Variants in ATP10B observed in about 807,000 individuals in gnomAD.
ATP10B encodes the protein ATPase phospholipid transporting 10B (putative).
Under a neutral mutation model 141.2 loss-of-function variants are expected in ATP10B, and 122 were observed. The observed-to-expected ratio is 0.86, with a 90% confidence interval of 0.75 to 1.00. The LOEUF is 1.00. Ranked by LOEUF, ATP10B falls within the 50% of genes least tolerant of loss-of-function variation. The pLI is 0.00. For synonymous variants in ATP10B, 685 were observed against 692.0 expected, an observed-to-expected ratio of 0.99 and a Z score of 0.16; for missense variants, 1,876 against 1,825.3, an observed-to-expected ratio of 1.03 and a Z score of -0.51.
In ATP10B at chr5:160,602,561, G is replaced by T. The variant is rs766924723; in HGVS notation, c.3363+16C>A. On this transcript the variant is annotated intron_variant, in intron 21 of 25. Transcript: ENST00000327245. ...CTGCCAAAGCCCTGGGTGAGAGGACGCCATAGGCTACTTACCACGTTCTTG... is the reference window on the plus strand; with the variant it reads ...CTGCCAAAGCCCTGGGTGAGAGGACTCCATAGGCTACTTACCACGTTCTTG... 1 of 1,613,214 alleles carries T rather than the reference G, an allele frequency of 6.2e-7. No homozygotes were observed. The highest frequency in any genetic ancestry group is 8.5e-7 in the Non-Finnish European group (1 of 1,179,460).
the ATP10B span, among the ~76,000 whole-genome samples, chr5:160,903,651 G>A: frequency 6.6e-6 from 1 of 152,134 alleles, no homozygotes; most frequent in East Asian, 1.9e-4. Flanking sequence ...TTTAGATTAT[G>A]GTAGAGCCAC....
intron 2 of ATP10B, among the ~76,000 whole-genome samples, chr5:160,757,155 C>T (rs768585195): frequency 1.5e-4 from 23 of 152,282 alleles, no homozygotes; most frequent in African/African-American, 5.1e-4. Context: ...AATCTTTTTA[C>T]ATATGACTAT....
At chr5:160,839,110 T>A in intron 1 of ATP10B, among the ~76,000 whole-genome samples, 1 of 152,152 alleles carries the variant, frequency 6.6e-6, no homozygotes, top group Non-Finnish European at 1.5e-5. Flanking sequence ...CAATTAACCC[T>A]CTTTTCTTTA....
chr5:160,696,733 CAACA>C (rs1211962857), intron 3 of ATP10B, among the ~76,000 whole-genome samples: 1 of 152,140 alleles, frequency 6.6e-6, no homozygotes, highest in Non-Finnish European at 1.5e-5. Flanking sequence ...ATAACAACAA[CAACA>C]AACAACAGGT....
the ATP10B span, among the ~76,000 whole-genome samples, chr5:160,883,441 G>A: frequency 7.1e-4 from 108 of 151,986 alleles, no homozygotes; most frequent in African/African-American, 2.5e-3. Flanking sequence ...CCTGAAAAAG[G>A]TTGGAAGGAG....
intron 1 of ATP10B, among the ~76,000 whole-genome samples, chr5:160,830,756 T>C (rs968372566): frequency 2.0e-5 from 3 of 151,938 alleles, no homozygotes; most frequent in Non-Finnish European, 4.4e-5. Context: ...AGCTCTAGAG[T>C]AGAAATGAAG....
chr5:160,570,371 A>G (rs1042362378), intron 24 of ATP10B, among the ~76,000 whole-genome samples: 7 of 152,150 alleles, frequency 4.6e-5, no homozygotes, highest in Non-Finnish European at 5.9e-5. Context: ...TAGTCATTCT[A>G]TTGTTCTTTT....
intron 1 of ATP10B, among the ~76,000 whole-genome samples, chr5:160,809,257 A>G (rs1230275127): frequency 6.6e-6 from 1 of 152,192 alleles, no homozygotes; most frequent in East Asian, 1.9e-4. Context: ...TAGGCCATTT[A>G]AAAACAGACT....
intron 5 of ATP10B, among the ~76,000 whole-genome samples, chr5:160,686,709 G>T (rs1763776447): frequency 1.3e-5 from 2 of 152,110 alleles, no homozygotes; most frequent in South Asian, 4.1e-4. Flanking sequence ...TACTCGTTGT[G>T]TGATTTTTTT....
At chr5:160,871,893 TC>T in the ATP10B span, among the ~76,000 whole-genome samples, 1 of 152,152 alleles carries the variant, frequency 6.6e-6, no homozygotes, top group African/African-American at 2.4e-5. Flanking sequence ...TGACTTATTT[TC>T]CTCTGTGTAG....
At chr5:160,664,040 T>C (rs1185278424) in intron 7 of ATP10B, among the ~76,000 whole-genome samples, 4 of 152,232 alleles carry the variant, frequency 2.6e-5, no homozygotes, top group Non-Finnish European at 5.9e-5. Context: ...TAATCTCTTC[T>C]TGATATTTTA....
chr5:160,843,417 G>C (rs1440835113), intron 1 of ATP10B, among the ~76,000 whole-genome samples: 2 of 151,854 alleles, frequency 1.3e-5, no homozygotes, highest in Non-Finnish European at 2.9e-5. Context: ...ATGGCTTCTA[G>C]GTATACCCTA....
chr5:160,816,954 A>C (rs532049465), intron 1 of ATP10B, among the ~76,000 whole-genome samples: 5 of 152,282 alleles, frequency 3.3e-5, no homozygotes, highest in East Asian at 3.9e-4. Context: ...ATTCAACAGC[A>C]CTTCATGCTA....
intron 6 of ATP10B, among the ~76,000 whole-genome samples, chr5:160,672,215 G>T (rs1762755135): frequency 6.6e-6 from 1 of 151,964 alleles, no homozygotes; most frequent in Non-Finnish European, 1.5e-5. Context: ...GACCTCAAGT[G>T]ATCCTCCTGT....
the ATP10B span, among the ~76,000 whole-genome samples, chr5:160,924,507 C>G: frequency 6.6e-6 from 1 of 152,124 alleles, no homozygotes; most frequent in Non-Finnish European, 1.5e-5. Context: ...TGGGAAGCAC[C>G]TGAGAGCCTT....
At chr5:160,737,010 A>C (rs1767168711) in intron 2 of ATP10B, among the ~76,000 whole-genome samples, 1 of 152,210 alleles carries the variant, frequency 6.6e-6, no homozygotes, top group Non-Finnish European at 1.5e-5. Context: ...AATCCTTGAC[A>C]AAGTACCAGC....
chr5:160,835,139 G>A lies in ATP10B; in HGVS notation c.-576+16802C>T, dbSNP rs140853572. 6.0e-3 allele frequency among the ~76,000 whole-genome samples: 914 copies of A among 151,740 alleles called. 13 individuals are homozygous for A. Among genetic ancestry groups the A allele is most frequent in the African/African-American group, 0.021 (870 of 41,440 alleles). ...TGAAACAGAGATAATTCCTCAGCAA[G>A]ATTAAAAAAAAAATCTGTAAGAGCT... On this transcript the variant is annotated intron_variant, in intron 1 of 25. Transcript: ENST00000327245.
intron 1 of ATP10B, among the ~76,000 whole-genome samples, chr5:160,817,798 G>A (rs1025781226): frequency 6.6e-6 from 1 of 152,124 alleles, no homozygotes; most frequent in Non-Finnish European, 1.5e-5. Flanking sequence ...TACCAAAACA[G>A]AGATATAGAC....
the ATP10B span, among the ~76,000 whole-genome samples, chr5:160,911,544 T>C: frequency 6.6e-6 from 1 of 152,262 alleles, no homozygotes; most frequent in African/African-American, 2.4e-5. Context: ...ATCCTCGACT[T>C]TGGTTTTGGT....
Sources: gnomAD v4.1 joint callset for allele counts (sites outside exome capture counted in the v4.1 genomes callset) on GRCh38, gnomAD v4.1.1 for gene constraint, MANE v1.5 for transcripts, NCBI Gene and HGNC (gene_info 2026-07-23, HGNC 2026-07-21) for gene names.